DNAH5: variants seen among roughly 807,000 people sequenced by gnomAD.
The protein encoded by DNAH5 is axonemal beta dynein heavy chain 5.
A neutral mutation model predicts 518.2 loss-of-function variants in DNAH5; 372 were observed. The ratio of observed to expected loss-of-function variants is 0.72; its 90% CI spans 0.66 to 0.78. DNAH5 has a LOEUF of 0.78. Among genes scored for constraint, DNAH5 ranks in the 30% least tolerant of loss-of-function variants. The pLI, the probability that DNAH5 is intolerant of heterozygous loss-of-function variation, is 0.00. For synonymous variants in DNAH5, 2,039 were observed against 2,025.9 expected, an observed-to-expected ratio of 1.01 and a Z score of -0.17; for missense variants, 5,523 against 5,687.0, an observed-to-expected ratio of 0.97 and a Z score of 0.93.
At chr5:13,936,105 A>G (rs1285248103) in intron 1 of DNAH5, among the ~76,000 whole-genome samples, 1 of 152,222 alleles carries the variant, frequency 6.6e-6, no homozygotes, top group African/African-American at 2.4e-5. Context: ...CAGGTGGCCA[A>G]TCCTCCACAG....
intron 14 of DNAH5, chr5:13,900,635 T>C (rs1314045969): frequency 1.7e-6 from 1 of 578,716 alleles, no homozygotes; most frequent in Non-Finnish European, 3.1e-6. Context: ...ATAAAACCTT[T>C]CAATGACTCT....
At position 13,824,388 on chromosome 5, in the gene DNAH5, G is replaced by A. The variant is rs927643597; in HGVS notation, c.6445-55C>T. 230 of 1,545,576 alleles carry A rather than the reference G, an allele frequency of 1.5e-4. 1 individual carries two copies. Among genetic ancestry groups the A allele is most frequent in the Non-Finnish European group, 4.5e-6 (5 of 1,119,658 alleles). Reference sequence around the variant, plus strand: ...TTTCAACATTAAAATACTTGCAGAAGCCATATGAATCTGACAGAAATTATA... The same window carrying A: ...TTTCAACATTAAAATACTTGCAGAAACCATATGAATCTGACAGAAATTATA... On this transcript the variant is annotated intron_variant, in intron 38 of 78. Coordinates refer to ENST00000265104, the MANE Select transcript of DNAH5 (RefSeq NM_001369.3).
intron 1 of DNAH5, among the ~76,000 whole-genome samples, chr5:13,977,708 C>T (rs891342184): frequency 6.6e-6 from 1 of 152,110 alleles, no homozygotes; most frequent in African/African-American, 2.4e-5. Flanking sequence ...TCCTGGGTCC[C>T]AGCCCAGGAT....
intron 65 of DNAH5, among the ~76,000 whole-genome samples, chr5:13,741,104 C>A (rs902314356): frequency 1.3e-5 from 2 of 152,084 alleles, no homozygotes; most frequent in Non-Finnish European, 2.9e-5. Context: ...AGTCTTTGTG[C>A]CAGAAATGCA....
Position 13,901,422 on chromosome 5 carries a change from A to C in DNAH5, c.1882T>G (p.Leu628Val), listed in dbSNP as rs143745645. ...RNQPPIAGKI[L>V]WARQLFHRIQ... ...CTATGGAAGAGCTGGCGGGCCCACA[A>C]AATCTTTCCAGCGATGGGAGGCTGG... The change falls in exon 14 of 79, where the codon TTG becomes GTG. Residue 628 changes from leucine (L) to valine (V), a missense_variant. Leu to Val is a conservative substitution (Grantham distance 32). Transcript: ENST00000265104. 7.0e-5 allele frequency: 113 copies of C among 1,614,070 alleles called. 1 individual carries two copies. The African/African-American group carries it at 1.3e-3, about 19-fold the overall frequency.
At chr5:13,847,723 C>CAA (rs754243517) in intron 31 of DNAH5, among the ~76,000 whole-genome samples, 1 of 92,166 alleles carries the variant, frequency 1.1e-5, no homozygotes, top group Admixed American at 1.2e-4. Context: ...GACCTCATCT[C>CAA]AAAAAAAAAA....
In DNAH5 at chr5:13,730,212, A is replaced by G. The variant is rs1429040728; in HGVS notation, c.11762-652T>C. The stretch of plus-strand genomic sequence containing the variant: ...TTATCTTTTTACTGATGATTTACCA[A>G]AGCTCATGTAACCCACGTAACTCTG... On this transcript the variant is annotated intron_variant, in intron 68 of 78. Coordinates refer to ENST00000265104, the MANE Select transcript of DNAH5 (RefSeq NM_001369.3). Among the ~76,000 whole-genome samples the G allele has an allele frequency of 3.9e-5, 6 of 152,208 alleles. No individual in the cohort carries two copies. The East Asian group carries it at 1.2e-3, about 29-fold the overall frequency.
chr5:13,870,681 C>G, intron 24 of DNAH5, 86 bp downstream of exon 24: 2 of 1,220,742 alleles, frequency 1.6e-6, no homozygotes, highest in Non-Finnish European at 1.2e-6. Flanking sequence ...CATTTAGTAA[C>G]TTCACTCCAG....
In DNAH5 at chr5:13,792,037, T is replaced by C; in HGVS notation, c.8405A>G (p.Gln2802Arg). Residue 2802 changes from glutamine (Q) to arginine (R), a missense_variant, in exon 50 of 79, where the codon CAG becomes CGG. By Grantham distance (43) the Gln-to-Arg change is conservative. Around this residue, in one of 3 missense-constraint regions of DNAH5, gnomAD observed 5,121 missense variants for 5,223.3 expected, o/e 0.98. Coordinates refer to ENST00000265104, the MANE Select transcript of DNAH5 (RefSeq NM_001369.3). ...CTCTGAAGTAGTGTTCAGCATTCCC[T>C]GCCAGACCCGAGAAAGATCTCGTAG... Reference protein sequence around the residue: ...FNLRDLSRVWQGMLNTTSEVI... With the variant: ...FNLRDLSRVWRGMLNTTSEVI... The C allele has an allele frequency of 6.2e-7, 1 of 1,614,100 alleles. No individual in the cohort carries two copies. Among genetic ancestry groups the C allele is most frequent in the Non-Finnish European group, 8.5e-7 (1 of 1,179,980 alleles).
chr5:13,716,444 T>C, intron 74 of DNAH5, 43 bp downstream of exon 74: 1 of 1,432,934 alleles, frequency 7.0e-7, no homozygotes. Context: ...CTCAAGTGGC[T>C]ACAGATATTT....
chr5:13,924,610 G>A (rs990247566), intron 3 of DNAH5, among the ~76,000 whole-genome samples: 1 of 151,612 alleles, frequency 6.6e-6, no homozygotes, highest in Non-Finnish European at 1.5e-5. Flanking sequence ...AGGAGATGGA[G>A]GTTGTGGTCA....
rs545526093 is a variant in DNAH5, at chr5:13,698,880, G to A, written c.13723+1760C>T. ...CACATATTTGTGAATGACCATAAAA[G>A]TGGCATTAGTATTGATTTGGGGGCT... On this transcript the variant is annotated intron_variant, in intron 78 of 78. Coordinates refer to ENST00000265104, the MANE Select transcript of DNAH5 (RefSeq NM_001369.3). Among the ~76,000 whole-genome samples, 4 of 152,330 alleles carry A rather than the reference G, an allele frequency of 2.6e-5. No individual in the cohort carries two copies. The South Asian group carries it at 8.3e-4, about 32-fold the overall frequency.
chr5:13,998,706 T>C (rs1784134674), intron 1 of DNAH5, among the ~76,000 whole-genome samples: 2 of 152,246 alleles, frequency 1.3e-5, no homozygotes, highest in Non-Finnish European at 2.9e-5. Context: ...TGAAAATGCC[T>C]AGCATATTCT....
chr5:13,727,966 C>A (rs899725039), intron 69 of DNAH5, among the ~76,000 whole-genome samples: 5 of 152,128 alleles, frequency 3.3e-5, no homozygotes, highest in African/African-American at 1.2e-4. Flanking sequence ...AATGGAAATT[C>A]ATTTTCATTA....
chr5:13,862,636 C>T lies in DNAH5; in HGVS notation c.4708G>A (p.Glu1570Lys). 1 of 1,613,976 alleles carries T rather than the reference C, an allele frequency of 6.2e-7. No individual in the cohort carries two copies. The highest frequency in any genetic ancestry group is 8.5e-7 in the Non-Finnish European group (1 of 1,179,928). ...FTFGSFKTRG[E>K]LLLRGDSTSE... ...GTACTGTCTCCTCTCAAGAGGAGCT[C>T]TCCACGGGTTTTAAAGCTGCCGAAG... Residue 1570 changes from glutamate (E) to lysine (K), a missense_variant, in exon 29 of 79, where the codon GAG becomes AAG. Glu to Lys is a moderately conservative substitution (Grantham distance 56). Around this residue, in one of 3 missense-constraint regions of DNAH5, gnomAD observed 5,121 missense variants for 5,223.3 expected, o/e 0.98. Coordinates refer to ENST00000265104, the MANE Select transcript of DNAH5 (RefSeq NM_001369.3).
At chr5:13,854,697 AG>A (rs35798986) in intron 30 of DNAH5, among the ~76,000 whole-genome samples, 66,563 of 151,840 alleles carry the variant, frequency 0.44, 14,791 homozygotes, top group South Asian at 0.5. Context: ...TGGAAAGCAA[AG>A]AAAAAGCAGG....
chr5:13,910,448 C>T (rs904379014), intron 12 of DNAH5, among the ~76,000 whole-genome samples: 11 of 152,196 alleles, frequency 7.2e-5, no homozygotes, highest in Non-Finnish European at 1.6e-4. Context: ...ACACTGAACT[C>T]GCTCCTCCCA....
intron 30 of DNAH5, among the ~76,000 whole-genome samples, chr5:13,858,220 A>G (rs7720176): frequency 0.38 from 57,023 of 152,016 alleles, 10,948 homozygotes; most frequent in South Asian, 0.47. Context: ...CATATACACC[A>G]TGGAATACTA....
At chr5:13,858,249 G>A (rs1480240099) in intron 30 of DNAH5, among the ~76,000 whole-genome samples, 1 of 152,110 alleles carries the variant, frequency 6.6e-6, no homozygotes, top group Non-Finnish European at 1.5e-5. Flanking sequence ...CAAAAAAGGA[G>A]GAATCCATGT....
Sources: gnomAD v4.1 joint callset for allele counts (sites outside exome capture counted in the v4.1 genomes callset) on GRCh38, gnomAD v4.1.1 for gene constraint, gnomAD v4.1.1 regional missense constraint, MANE v1.5 for transcripts, NCBI Gene and HGNC (gene_info 2026-07-23, HGNC 2026-07-21) for gene names.